The following PRKCE variants were observed in gnomAD, a reference collection of about 807,000 sequenced individuals.
PRKCE encodes protein kinase C epsilon.
Under a neutral mutation model 85.4 loss-of-function variants are expected in PRKCE, and 16 were observed. The observed-to-expected ratio is 0.19, with a 90% CI of 0.13 to 0.28. The LOEUF is 0.28. Among genes scored for constraint, PRKCE ranks in the 10% least tolerant of loss-of-function variants. The probability of loss-of-function intolerance (pLI) is 1.00; values close to 1 mark genes in which losing one functional copy is unlikely to be tolerated. For missense variants in PRKCE, 573 were observed against 975.2 expected (o/e 0.59, Z 5.49); for synonymous variants, 388 against 371.5 (o/e 1.04, Z -0.51).
At chr2:45,703,863 T>C (rs1321562717) in intron 1 of PRKCE, among the ~76,000 whole-genome samples, 1 of 152,246 alleles carries the variant, frequency 6.6e-6, no homozygotes, top group East Asian at 1.9e-4. Flanking sequence ...CTCTCATCCA[T>C]ATGCTCACAG....
chr2:45,920,586 G>A (rs946638728), intron 2 of PRKCE, among the ~76,000 whole-genome samples: 2 of 152,212 alleles, frequency 1.3e-5, no homozygotes, highest in African/African-American at 4.8e-5. Context: ...CACTGACATG[G>A]ATGACCCTTG....
intron 1 of PRKCE, among the ~76,000 whole-genome samples, chr2:45,687,933 CTGGTGGCCTTTATTGTA>C (rs1240667130): frequency 6.6e-6 from 1 of 152,194 alleles, no homozygotes; most frequent in East Asian, 1.9e-4. Context: ...ATGGGAGTGG[CTGGTGGCCTTTATTGTA>C]TGGGGTCCTC....
intron 1 of PRKCE, among the ~76,000 whole-genome samples, chr2:45,832,017 C>T (rs1690466228): frequency 6.6e-6 from 1 of 152,196 alleles, no homozygotes; most frequent in South Asian, 2.1e-4. Flanking sequence ...ATTTCTGACT[C>T]CTAAATTTCA....
intron 5 of PRKCE, among the ~76,000 whole-genome samples, chr2:45,981,074 C>G (rs949895259): frequency 2.0e-5 from 3 of 152,186 alleles, no homozygotes; most frequent in Admixed American, 6.5e-5. Flanking sequence ...GTCTCTTAAT[C>G]TTAGAAACTA....
At chr2:46,143,736 G>T (rs1239278700) in intron 11 of PRKCE, among the ~76,000 whole-genome samples, 1 of 152,204 alleles carries the variant, frequency 6.6e-6, no homozygotes, top group East Asian at 1.9e-4. Flanking sequence ...CAGGGGCTCA[G>T]CTTGGTTGGG....
intron 10 of PRKCE, among the ~76,000 whole-genome samples, chr2:46,079,439 A>C (rs1310824223): frequency 6.6e-6 from 1 of 152,262 alleles, no homozygotes; most frequent in African/African-American, 2.4e-5. Flanking sequence ...ATCATCTTCT[A>C]TATCCCCCAG....
intron 1 of PRKCE, among the ~76,000 whole-genome samples, chr2:45,695,255 C>T (rs2104128072): frequency 6.6e-6 from 1 of 152,180 alleles, no homozygotes; most frequent in East Asian, 1.9e-4. Context: ...GGTGACATTC[C>T]TTTTTGGATT....
intron 1 of PRKCE, among the ~76,000 whole-genome samples, chr2:45,800,810 C>G (rs189053479): frequency 6.6e-6 from 1 of 152,228 alleles, no homozygotes. Flanking sequence ...CTAATTATCT[C>G]CTATGCACCA....
At chr2:46,128,377 T>A (rs1674078924) in intron 11 of PRKCE, among the ~76,000 whole-genome samples, 1 of 152,248 alleles carries the variant, frequency 6.6e-6, no homozygotes, top group South Asian at 2.1e-4. Flanking sequence ...AAGCACCCAC[T>A]CTGTGCCAGG....
Position 45,985,664 on chromosome 2 carries a change from G to A in PRKCE, c.823+984G>A, listed in dbSNP as rs373868690. Among the ~76,000 whole-genome samples the A allele has an allele frequency of 4.6e-5, 7 of 152,316 alleles. No individual in the cohort carries two copies. In the South Asian group the frequency reaches 1.2e-3, roughly 27 times the overall value. Reference sequence around the variant, plus strand: ...ATAAGATCAGGGCTGCAGTGGGAATGAAGAGGAGAATGACTTTAATATATC... The same window carrying A: ...ATAAGATCAGGGCTGCAGTGGGAATAAAGAGGAGAATGACTTTAATATATC... On this transcript the variant is annotated intron_variant, in intron 6 of 14. Transcript: ENST00000306156.
At chr2:45,851,482 T>C (rs1364139175) in intron 2 of PRKCE, among the ~76,000 whole-genome samples, 1 of 152,140 alleles carries the variant, frequency 6.6e-6, no homozygotes, top group Non-Finnish European at 1.5e-5. Context: ...GCAGGTTGTC[T>C]ATGCAAGGAT....
chr2:45,938,500 G>A (rs535065607), intron 2 of PRKCE, among the ~76,000 whole-genome samples: 2 of 152,280 alleles, frequency 1.3e-5, no homozygotes, highest in South Asian at 2.1e-4. Context: ...CCTTGTGTCT[G>A]TGATTGACCT....
At chr2:45,837,834 C>T (rs528221110) in intron 1 of PRKCE, among the ~76,000 whole-genome samples, 2 of 152,316 alleles carry the variant, frequency 1.3e-5, no homozygotes, top group African/African-American at 4.8e-5. Flanking sequence ...GGCACCACTT[C>T]ACTCCAGCCT....
chr2:46,149,540 A>G (rs1230143311), intron 12 of PRKCE, among the ~76,000 whole-genome samples: 1 of 152,086 alleles, frequency 6.6e-6, no homozygotes, highest in Non-Finnish European at 1.5e-5. Context: ...ACAGCTCAGC[A>G]TTTATTTTTC....
intron 1 of PRKCE, chr2:45,676,212 C>G (rs1676440931): frequency 6.6e-6 from 1 of 152,178 alleles, no homozygotes; most frequent in African/African-American, 2.4e-5. Flanking sequence ...AGATGGAACC[C>G]TCTGTTGCTT....
chr2:45,758,076 A>G (rs953749580), intron 1 of PRKCE, among the ~76,000 whole-genome samples: 2 of 152,198 alleles, frequency 1.3e-5, no homozygotes, highest in Non-Finnish European at 2.9e-5. Context: ...CAGTACAGAG[A>G]AGGCTGAGGG....
chr2:45,849,763 A>G (rs1206006630), intron 2 of PRKCE, among the ~76,000 whole-genome samples: 1 of 152,148 alleles, frequency 6.6e-6, no homozygotes, highest in Non-Finnish European at 1.5e-5. Flanking sequence ...TGATCTTACA[A>G]TATGCACCCC....
intron 2 of PRKCE, among the ~76,000 whole-genome samples, chr2:45,967,614 G>C (rs145235196): frequency 1.3e-5 from 2 of 152,172 alleles, no homozygotes; most frequent in Non-Finnish European, 2.9e-5. Context: ...AAATAATATT[G>C]TAATGTAGTA....
chr2:46,133,205 C>A (rs143726269), intron 11 of PRKCE, among the ~76,000 whole-genome samples: 1 of 152,296 alleles, frequency 6.6e-6, no homozygotes, highest in African/African-American at 2.4e-5. Flanking sequence ...CCAAGAACGC[C>A]CCCAGAAAGG....
Sources: gnomAD v4.1 joint callset for allele counts (sites outside exome capture counted in the v4.1 genomes callset) on GRCh38, gnomAD v4.1.1 for gene constraint, MANE v1.5 for transcripts, NCBI Gene and HGNC (gene_info 2026-07-23, HGNC 2026-07-21) for gene names.